The following CPS1 variants were observed in gnomAD, a reference collection of about 807,000 sequenced individuals.
CPS1 encodes carbamoyl-phosphate synthase 1.
In CPS1, 109 loss-of-function variants were observed where a neutral mutation model predicts 174.6. That is an observed-to-expected ratio of 0.62 (90% CI 0.53 to 0.73). The LOEUF is 0.73. CPS1 is among the 30% of genes least tolerant of loss of function. The probability of loss-of-function intolerance (pLI) is 0.00; values close to 1 mark genes in which losing one functional copy is unlikely to be tolerated. For missense variants in CPS1, 1,689 were observed against 1,821.9 expected (o/e 0.93, Z 1.33); for synonymous variants, 637 against 632.0 (o/e 1.01, Z -0.12).
intron 25 of CPS1, among the ~76,000 whole-genome samples, chr2:210,647,637 A>G (rs1700421292): frequency 6.6e-6 from 1 of 152,214 alleles, no homozygotes; most frequent in Admixed American, 6.5e-5. Context: ...AGTGTCACAA[A>G]TGATATTCAC....
At chr2:210,656,670 A>G (rs1700718221) in intron 30 of CPS1, 38 bp downstream of exon 30, 11 of 1,496,436 alleles carry the variant, frequency 7.4e-6, no homozygotes, top group Non-Finnish European at 1.0e-5. Flanking sequence ...GGAAAAGGCA[A>G]CACTCAGAAA....
At chr2:210,573,494 T>A (rs1365494785) in intron 2 of CPS1, 87 bp downstream of exon 2, 2 of 1,014,046 alleles carry the variant, frequency 2.0e-6, no homozygotes, top group African/African-American at 3.1e-5. Context: ...TTGAAATCAC[T>A]GCATCGTAGT....
At position 210,556,605 on chromosome 2, in the gene CPS1, C is replaced by G; in HGVS notation, c.-129C>G. On this transcript the variant is annotated 5_prime_UTR_variant, in exon 1 of 38. It adds an upstream start codon to the 5' untranslated region. Coordinates refer to ENST00000233072, the MANE Select transcript of CPS1 (RefSeq NM_001875.5). ...GCAGAATGAATGGAAATTCAAAGAT[C>G]GCTGTGCAGTCAGCCTTAAACACTG... The G allele has an allele frequency of 1.3e-6, 2 of 1,502,618 alleles. No individual in the cohort carries two copies. The highest frequency in any genetic ancestry group is 1.8e-6 in the Non-Finnish European group (2 of 1,126,660). 93.1% of individuals were successfully genotyped at this position (1,502,618 alleles called of 1,614,324 possible). A position where few individuals can be genotyped will look rare whatever the true frequency, so the allele number is the denominator to read the frequency against.
chr2:210,581,978 A>G (rs1012205530), intron 5 of CPS1, among the ~76,000 whole-genome samples: 6 of 152,180 alleles, frequency 3.9e-5, no homozygotes, highest in Non-Finnish European at 7.3e-5. Flanking sequence ...AAATCTCAAG[A>G]TACAGCTGAA....
At chr2:210,646,138 C>T (rs890856217) in intron 25 of CPS1, among the ~76,000 whole-genome samples, 1 of 152,122 alleles carries the variant, frequency 6.6e-6, no homozygotes, top group Non-Finnish European at 1.5e-5. Context: ...GTTGCTACTT[C>T]TCCCTCAGTT....
At chr2:210,573,559 C>A in intron 2 of CPS1, 152 bp downstream of exon 2, 1 of 668,426 alleles carries the variant, frequency 1.5e-6, no homozygotes, top group Non-Finnish European at 2.7e-6. Context: ...CCTACTGCTG[C>A]CGTCCTTGAA....
At chr2:210,591,995 A>G in intron 10 of CPS1, 26 bp downstream of exon 10, 1 of 1,606,462 alleles carries the variant, frequency 6.2e-7, no homozygotes, top group Non-Finnish European at 8.5e-7. Flanking sequence ...AAACCTGTTC[A>G]GTTGGTGATG....
intron 1 of CPS1, among the ~76,000 whole-genome samples, chr2:210,517,937 C>T (rs186238862): frequency 3.3e-5 from 5 of 152,074 alleles, no homozygotes; most frequent in Non-Finnish European, 7.4e-5. Context: ...AATTATATGT[C>T]AGACCCAGGC....
chr2:210,621,586 G>A (rs193069802), intron 21 of CPS1, among the ~76,000 whole-genome samples: 1 of 151,926 alleles, frequency 6.6e-6, no homozygotes, highest in Non-Finnish European at 1.5e-5. Flanking sequence ...TCCTTACTCC[G>A]ATCTGTAAGA....
At chr2:210,502,177 C>A (rs902882420) in intron 1 of CPS1, among the ~76,000 whole-genome samples, 4 of 151,936 alleles carry the variant, frequency 2.6e-5, no homozygotes, top group African/African-American at 9.7e-5. Flanking sequence ...CCACCCTTGA[C>A]ACGTGGAGAT....
intron 20 of CPS1, among the ~76,000 whole-genome samples, chr2:210,614,740 T>C (rs563170014): frequency 3.9e-5 from 6 of 152,090 alleles, no homozygotes; most frequent in Admixed American, 2.6e-4. Flanking sequence ...TGCAGGGACA[T>C]GGATGAAGCT....
chr2:210,556,879 T>C lies in CPS1; in HGVS notation c.126+20T>C. 1 of 1,612,118 alleles carries C rather than the reference T, an allele frequency of 6.2e-7. No homozygotes were observed. Among genetic ancestry groups the C allele is most frequent in the Non-Finnish European group, 8.5e-7 (1 of 1,178,542 alleles). The stretch of plus-strand genomic sequence containing the variant: ...GTCAAGGTAATACCCATATTGATTG[T>C]TTCTGATAAAATACTATGGGGTATA... On this transcript the variant is annotated intron_variant, in intron 1 of 37. Transcript: ENST00000233072.
At chr2:210,575,362 A>T (rs1266360564) in intron 2 of CPS1, among the ~76,000 whole-genome samples, 1 of 152,106 alleles carries the variant, frequency 6.6e-6, no homozygotes, top group Non-Finnish European at 1.5e-5. Flanking sequence ...CAGAAAGTGG[A>T]CATGGAAGAG....
Position 210,590,815 on chromosome 2 carries a change from C to T in CPS1, c.856C>T (p.Arg286Cys), listed in dbSNP as rs202130487. 34 of 1,610,296 alleles carry T rather than the reference C, an allele frequency of 2.1e-5. No individual in the cohort carries two copies. The highest frequency in any genetic ancestry group is 2.7e-5 in the African/African-American group (2 of 74,774). ...CCTGATTTAGATTTTGGAGAGTGAT[C>T]GCAAGGAGCCATTGTTTGGAATCAG... ...QNVRKILESD[R>C]KEPLFGISTG... The change falls in exon 9 of 38, where the codon CGC (arginine) becomes TGC (cysteine). Residue 286 changes from arginine (R) to cysteine (C), a missense_variant. Arg to Cys is a radical substitution (Grantham distance 180). Coordinates refer to ENST00000233072, the MANE Select transcript of CPS1 (RefSeq NM_001875.5).
At chr2:210,524,006 C>A (rs780412175) in intron 1 of CPS1, among the ~76,000 whole-genome samples, 2 of 151,920 alleles carry the variant, frequency 1.3e-5, no homozygotes, top group African/African-American at 2.4e-5. Flanking sequence ...TTGTATATTC[C>A]GCAAAGTTTT....
chr2:210,484,496 T>C (rs1162597297), intron 1 of CPS1, among the ~76,000 whole-genome samples: 1 of 152,196 alleles, frequency 6.6e-6, no homozygotes. Flanking sequence ...TGAATAAACA[T>C]AGAAATTGAC....
intron 19 of CPS1, among the ~76,000 whole-genome samples, chr2:210,611,696 T>C (rs1699126811): frequency 6.6e-6 from 1 of 151,988 alleles, no homozygotes; most frequent in South Asian, 2.1e-4. Context: ...TTACAAATAG[T>C]TTCTGTTTCA....
chr2:210,598,042 G>A (rs368201587), intron 13 of CPS1, among the ~76,000 whole-genome samples: 1 of 151,752 alleles, frequency 6.6e-6, no homozygotes, highest in Non-Finnish European at 1.5e-5. Flanking sequence ...CATTTTAAAT[G>A]TACATTCAAT....
At chr2:210,567,225 T>C (rs1458286598) in intron 1 of CPS1, among the ~76,000 whole-genome samples, 1 of 152,142 alleles carries the variant, frequency 6.6e-6, no homozygotes, top group African/African-American at 2.4e-5. Context: ...CTCACACTAG[T>C]GTAAGTTTAA....
Sources: gnomAD v4.1 joint callset for allele counts (sites outside exome capture counted in the v4.1 genomes callset) on GRCh38, gnomAD v4.1.1 for gene constraint, MANE v1.5 for transcripts, NCBI Gene and HGNC (gene_info 2026-07-23, HGNC 2026-07-21) for gene names.